Variants in FAN1 observed in about 807,000 individuals in gnomAD.
The protein encoded by FAN1 is fanconi-associated nuclease 1.
FAN1 carries 91 observed loss-of-function variants against 104.9 expected under a neutral mutation model. That is an observed-to-expected ratio of 0.87 (90% CI 0.73 to 1.03). FAN1 has a LOEUF of 1.03. FAN1 is among the 50% of genes least tolerant of loss of function. The pLI is 0.00. For missense variants in FAN1, 1,263 were observed against 1,239.9 expected (o/e 1.02, Z -0.28); for synonymous variants, 478 against 457.6 (o/e 1.04, Z -0.57).
At chr15:30,927,768 C>T (rs1030716549) in intron 10 of FAN1, 84 of 985,752 alleles carry the variant, frequency 8.5e-5, no homozygotes, top group Middle Eastern at 5.2e-4. Context: ...CAGAGAAGTA[C>T]GGACTTGGAG....
At chr15:30,935,096 A>G (rs1216414003) in intron 13 of FAN1, among the ~76,000 whole-genome samples, 1 of 151,916 alleles carries the variant, frequency 6.6e-6, no homozygotes, top group Non-Finnish European at 1.5e-5. Context: ...GCTTGGGCTC[A>G]GGAGTTGGAG....
At chr15:30,904,099 G>C (rs568312177) in intron 1 of FAN1, 88 bp downstream of exon 1, 3 of 152,342 alleles carry the variant, frequency 2.0e-5, no homozygotes, top group African/African-American at 7.2e-5. Context: ...CGCGGTGGTG[G>C]CAGCCGGCGC....
Position 30,929,522 on chromosome 15 carries a change from A to G in FAN1, c.2787+125A>G. The G allele has an allele frequency of 2.2e-5, 9 of 413,514 alleles. No individual in the cohort carries two copies. The South Asian group carries it at 3.1e-4, about 14-fold the overall frequency. 25.6% of individuals were successfully genotyped at this position (413,514 alleles called of 1,614,324 possible). ...TAAATACATGTATGTGTGTGCATAT[A>G]TATGATATATAGTATATATCATATA... On this transcript the variant is annotated intron_variant, in intron 12 of 14. Coordinates refer to ENST00000362065, the MANE Select transcript of FAN1 (RefSeq NM_014967.5).
At position 30,918,116 on chromosome 15, in the gene FAN1, A is replaced by G. The variant is rs189512431; in HGVS notation, c.1812-48A>G. 2.8e-3 allele frequency: 4,462 copies of G among 1,606,338 alleles called. 13 individuals are homozygous for G. Among genetic ancestry groups the G allele is most frequent in the Non-Finnish European group, 3.2e-3 (3,754 of 1,173,886 alleles). On this transcript the variant is annotated intron_variant, in intron 5 of 14. Coordinates refer to ENST00000362065, the MANE Select transcript of FAN1 (RefSeq NM_014967.5). ...CTAGTGGCTAGGATGTGGTCATTCT[A>G]TGGGAATGCTCATTCTTATTTGGAA...
rs143970863 is a variant in FAN1 at position 30,928,506 on chromosome 15, T to TTTTGTGTGTGTG, written c.2489-46_2489-45insTTGTGTGTGTGT. 7 of 1,484,628 alleles carry TTTTGTGTGTGTG rather than the reference T, an allele frequency of 4.7e-6. No homozygotes were observed. In the African/African-American group the frequency reaches 5.9e-5, roughly 13 times the overall value. 92.0% of individuals were successfully genotyped at this position (1,484,628 alleles called of 1,614,324 possible). A position where few individuals can be genotyped will look rare whatever the true frequency, so the allele number is the denominator to read the frequency against. On this transcript the variant is annotated intron_variant, in intron 10 of 14. Transcript: ENST00000362065. ...TTGGAAGAAACAGATAAAACAGATT[T>TTTTGTGTGTGTG]TGTGTGTGTGTGTGTGTGTGTGTGT...
At chr15:30,924,280 C>T (rs1176656773) in intron 8 of FAN1, among the ~76,000 whole-genome samples, 2 of 152,166 alleles carry the variant, frequency 1.3e-5, no homozygotes, top group African/African-American at 2.4e-5. Context: ...TCCACCTTTT[C>T]GGCCATTTTG....
chr15:30,933,492 G>A (rs921883535), intron 13 of FAN1, among the ~76,000 whole-genome samples: 1 of 152,100 alleles, frequency 6.6e-6, no homozygotes, highest in Admixed American at 6.5e-5. Flanking sequence ...GACATATTTT[G>A]TATGATTTGA....
chr15:30,941,204 A>G, intron 14 of FAN1: 1 of 1,368,334 alleles, frequency 7.3e-7, no homozygotes, highest in Non-Finnish European at 9.6e-7. Flanking sequence ...ATGGAGACAA[A>G]AATGTAGCAG....
At chr15:30,911,479 T>C in intron 4 of FAN1, 1 of 984,320 alleles carries the variant, frequency 1.0e-6, no homozygotes. Context: ...TATGAGCCCA[T>C]CCTTGTTGGG....
rs754779809 is a variant in FAN1, at chr15:30,940,945, A to G, written c.*4-621A>G. ...CAAAACACAGTGATCTAAGGTTCCA[A>G]AGAAGGTGATCTAAAATCATAAATT... On this transcript the variant is annotated intron_variant, in intron 14 of 14. Coordinates refer to ENST00000362065, the MANE Select transcript of FAN1 (RefSeq NM_014967.5). The G allele has an allele frequency of 4.2e-5, 46 of 1,091,100 alleles. No individual in the cohort carries two copies. The African/African-American group carries it at 7.6e-4, about 18-fold the overall frequency. The allele number at this position is 1,091,100 out of a possible 1,614,324, so 67.6% of individuals were successfully genotyped here.
chr15:30,935,185 G>A (rs567575001), intron 13 of FAN1, among the ~76,000 whole-genome samples: 1 of 152,250 alleles, frequency 6.6e-6, no homozygotes, highest in Admixed American at 6.5e-5. Context: ...GTGTGCACTT[G>A]TAGTCCCAGC....
At chr15:30,929,598 T>A (rs187254828) in intron 12 of FAN1, among the ~76,000 whole-genome samples, 107 of 125,550 alleles carry the variant, frequency 8.5e-4, no homozygotes, top group African/African-American at 3.2e-3. Context: ...ATATTATATA[T>A]TACATATTAC....
chr15:30,929,990 T>C lies in FAN1; in HGVS notation c.2788-553T>C, dbSNP rs1247050657. Among the ~76,000 whole-genome samples the C allele has an allele frequency of 1.4e-4, 19 of 132,106 alleles. No individual in the cohort carries two copies. The East Asian group carries it at 3.2e-3, about 22-fold the overall frequency. 86.7% of individuals were successfully genotyped at this position (132,106 alleles called of 152,430 possible). On this transcript the variant is annotated intron_variant, in intron 12 of 14. Transcript: ENST00000362065. ...TATATAAAATATATAATATATAAGATATCATATATAATATAATGTATAAAA... is the reference window on the plus strand; with the variant it reads ...TATATAAAATATATAATATATAAGACATCATATATAATATAATGTATAAAA...
At chr15:30,940,642 G>T (rs1346636713) in intron 14 of FAN1, 3 of 985,988 alleles carry the variant, frequency 3.0e-6, no homozygotes, top group Non-Finnish European at 3.6e-6. Flanking sequence ...CACCTCTGTG[G>T]AATCAGCACC....
chr15:30,922,516 A>C (rs1376504254), intron 8 of FAN1, among the ~76,000 whole-genome samples, 162 bp downstream of exon 8: 4 of 152,204 alleles, frequency 2.6e-5, no homozygotes, highest in African/African-American at 9.7e-5. Context: ...AAAGAATACC[A>C]GGGATGCCAG....
rs1447935508 is a variant in FAN1 at position 30,941,747 on chromosome 15, G to C, written c.*185G>C. 6.2e-7 allele frequency: 1 copy of C among 1,613,898 alleles called. No homozygotes were observed. Among genetic ancestry groups the C allele is most frequent in the Non-Finnish European group, 8.5e-7 (1 of 1,179,892 alleles). On this transcript the variant is annotated 3_prime_UTR_variant, in exon 15 of 15. Coordinates refer to ENST00000362065, the MANE Select transcript of FAN1 (RefSeq NM_014967.5). Reference sequence around the variant, plus strand: ...CCTGCTCAGTACGTCGACTTCATCAGCCAGGAGGGAGAGCTTGTGAAAGGC... The same window carrying C: ...CCTGCTCAGTACGTCGACTTCATCACCCAGGAGGGAGAGCTTGTGAAAGGC...
chr15:30,904,818 C>CT lies in FAN1; in HGVS notation c.156dup (p.Arg53Ter), dbSNP rs1414561356. 6.2e-6 allele frequency: 10 copies of CT among 1,613,324 alleles called. No individual in the cohort carries two copies. The highest frequency in any genetic ancestry group is 8.5e-6 in the Non-Finnish European group (10 of 1,179,450). Reference sequence around the variant, plus strand: ...TGCCCCGTTTGCAGTAAAATGGTGCCTAGATATGACTTAAACCGGCACCTT... The same window carrying CT: ...TGCCCCGTTTGCAGTAAAATGGTGCCTTAGATATGACTTAAACCGGCACCTT... On this transcript the variant is annotated frameshift_variant, in exon 2 of 15. Coordinates refer to ENST00000362065, the MANE Select transcript of FAN1 (RefSeq NM_014967.5). LOFTEE classifies it high-confidence loss of function.
intron 12 of FAN1, among the ~76,000 whole-genome samples, chr15:30,929,725 A>T (rs1236056362): frequency 4.0e-5 from 3 of 75,756 alleles, no homozygotes; most frequent in Non-Finnish European, 6.5e-5. Flanking sequence ...AATATATATA[A>T]AATATATAAT....
At position 30,929,253 on chromosome 15, in the gene FAN1, A is replaced by G. The variant is rs2062551497; in HGVS notation, c.2643A>G (p.Pro881=). The G allele has an allele frequency of 6.2e-7, 1 of 1,613,522 alleles. No homozygotes were observed. The highest frequency in any genetic ancestry group is 1.3e-5 in the African/African-American group (1 of 74,824). ...CTDSFFTSRR[P]ALEARLQLIH... is the part of the protein sequence containing the mutation. ...ACAGCTTCTTCACAAGCAGACGCCC[A>G]GCCCTTGAGGCCAGGCTGCAGCTGA... Residue 881 remains proline, a synonymous_variant, in exon 12 of 15, where the codon CCA becomes CCG. Transcript: ENST00000362065.
Sources: allele counts gnomAD v4.1 joint callset (sites outside exome capture counted in the v4.1 genomes callset), GRCh38; gene constraint gnomAD v4.1.1; transcripts MANE v1.5; gene names NCBI Gene and HGNC (gene_info 2026-07-23, HGNC 2026-07-21).